Variants in ADAMTS8 observed in about 807,000 individuals in gnomAD.
ADAMTS8 encodes A disintegrin and metalloproteinase with thrombospondin motifs 8.
ADAMTS8 carries 50 observed loss-of-function variants against 64.4 expected under a neutral mutation model. The ratio of observed to expected loss-of-function variants is 0.78; its 90% confidence interval spans 0.62 to 0.98. The LOEUF is 0.98. Ranked by LOEUF, ADAMTS8 falls within the 50% of genes least tolerant of loss-of-function variation. The pLI, the probability that ADAMTS8 is intolerant of heterozygous loss-of-function variation, is 0.00. For missense variants in ADAMTS8, 1,192 were observed against 1,208.2 expected (o/e 0.99, Z 0.20); for synonymous variants, 556 against 533.6 (o/e 1.04, Z -0.58).
chr11:130,405,991 C>T lies in ADAMTS8; in HGVS notation c.2237G>A (p.Gly746Asp). ...CTCTATGGCAGAGATGGCCAGGTTG[C>T]CGTTGAGCAGGTACTGCCCATCAGC... ...KTADGQYLLN[G>D]NLAISAIEQD... The change falls in exon 9 of 9, where the codon GGC (glycine) becomes GAC (aspartate). Residue 746 changes from glycine (G) to aspartate (D), a missense_variant. By Grantham distance (94) the Gly-to-Asp change is moderately conservative. Around this residue, in one of 5 missense-constraint regions of ADAMTS8, gnomAD observed 290 missense variants for 297.8 expected, o/e 0.97. Coordinates refer to ENST00000257359, the MANE Select transcript of ADAMTS8 (RefSeq NM_007037.6). 6.2e-7 allele frequency: 1 copy of T among 1,614,192 alleles called. No homozygotes were observed. Among genetic ancestry groups the T allele is most frequent in the Non-Finnish European group, 8.5e-7 (1 of 1,180,048 alleles).
chr11:130,408,525 C>T lies in ADAMTS8; in HGVS notation c.2038G>A (p.Gly680Arg), dbSNP rs756662989. ...VDSPRKLDKC[G>R]VCGGKGNSCR... ...GAGTTGCCTTTGCCCCCACACACCC[C>T]GCATTTGTCCAGCTTCCGAGGCGAG... Residue 680 changes from glycine (G) to arginine (R), a missense_variant, in exon 8 of 9, where the codon GGG becomes AGG. By Grantham distance (125) the Gly-to-Arg change is moderately radical. This residue lies in a region of ADAMTS8 where 290 missense variants were observed against 297.8 expected (regional missense o/e 0.97). Coordinates refer to ENST00000257359, the MANE Select transcript of ADAMTS8 (RefSeq NM_007037.6). 1.5e-5 allele frequency: 25 copies of T among 1,614,000 alleles called. No individual in the cohort carries two copies. Among genetic ancestry groups the T allele is most frequent in the South Asian group, 2.2e-5 (2 of 91,076 alleles).
At chr11:130,425,133 G>T (rs530331654) in intron 1 of ADAMTS8, among the ~76,000 whole-genome samples, 1 of 152,088 alleles carries the variant, frequency 6.6e-6, no homozygotes, top group Non-Finnish European at 1.5e-5. Flanking sequence ...GAGCCACATC[G>T]CCCGGTCAGG....
chr11:130,426,724 C>T (rs186968439), intron 1 of ADAMTS8, among the ~76,000 whole-genome samples: 1 of 152,230 alleles, frequency 6.6e-6, no homozygotes, highest in Non-Finnish European at 1.5e-5. Flanking sequence ...CCCCTGGACT[C>T]TGTTTTTCTC....
rs1300050570 is a variant in ADAMTS8, at chr11:130,427,646, A to G, written c.641T>C (p.Phe214Ser). ...CTCCACGAAGCGCGCCTCAGACACA[A>G]ACCGCTTGGTCCTACTCGTGGCCCC... The part of the protein sequence containing the change: ...PLGATSRTKR[F>S]VSEARFVETL... The change falls in exon 1 of 9, where the codon TTT (phenylalanine) becomes TCT (serine). Residue 214 changes from phenylalanine to serine, a missense_variant. Physicochemically the swap from Phe to Ser is radical, Grantham distance 155 (BLOSUM62 -2). This residue lies in a region of ADAMTS8 where 741 missense variants were observed against 710.6 expected (regional missense o/e 1.04). Coordinates refer to ENST00000257359, the MANE Select transcript of ADAMTS8 (RefSeq NM_007037.6). 2 of 1,586,124 alleles carry G rather than the reference A, an allele frequency of 1.3e-6. No homozygotes were observed. Among genetic ancestry groups the G allele is most frequent in the Admixed American group, 3.5e-5 (2 of 57,366 alleles).
chr11:130,418,627 GA>G (rs1862058112), intron 2 of ADAMTS8, among the ~76,000 whole-genome samples: 1 of 152,248 alleles, frequency 6.6e-6, no homozygotes, highest in African/African-American at 2.4e-5. Flanking sequence ...TTGCTTTCAG[GA>G]AGCTGTCTGT....
intron 4 of ADAMTS8, among the ~76,000 whole-genome samples, 196 bp downstream of exon 4, chr11:130,415,967 G>GC (rs2134682387): frequency 6.6e-6 from 1 of 152,320 alleles, no homozygotes; most frequent in East Asian, 1.9e-4. Context: ...ATCTAAATTA[G>GC]CGCAGAACTC....
chr11:130,409,082 G>A (rs1861921909), intron 6 of ADAMTS8, 142 bp from the exon 7 acceptor site: 2 of 900,730 alleles, frequency 2.2e-6, no homozygotes, highest in Non-Finnish European at 3.2e-6. Flanking sequence ...GTGTCTTCTG[G>A]GCACAACATT....
At chr11:130,415,998 A>G (rs901984990) in intron 4 of ADAMTS8, among the ~76,000 whole-genome samples, 165 bp downstream of exon 4, 1 of 152,208 alleles carries the variant, frequency 6.6e-6, no homozygotes, top group Non-Finnish European at 1.5e-5. Flanking sequence ...AGATGGGGCC[A>G]GAAGAGCAGA....
rs748075301 is a variant in ADAMTS8 at position 130,405,554 on chromosome 11, T to C, written c.*4A>G. The C allele has an allele frequency of 3.8e-6, 6 of 1,590,884 alleles. No homozygotes were observed. Among genetic ancestry groups the C allele is most frequent in the South Asian group, 1.1e-5 (1 of 87,868 alleles). ...AGCACAAGACTGGCCCCTGCCCCCC[T>C]GAATCACAGGGGGCACAGCTGGCTT... On this transcript the variant is annotated 3_prime_UTR_variant, in exon 9 of 9. Transcript: ENST00000257359.
At position 130,405,609 on chromosome 11, in the gene ADAMTS8, A is replaced by C. The variant is rs758690876; in HGVS notation, c.2619T>G (p.Ala873=). 7 of 1,611,630 alleles carry C rather than the reference A, an allele frequency of 4.3e-6. No homozygotes were observed. The highest frequency in any genetic ancestry group is 5.1e-6 in the Non-Finnish European group (6 of 1,178,264). ...AGGGCTTGGCATCCTCGGGTTTCAG[A>C]GCCTTGTTGCAGGTGGCAGAGGCCT... The part of the protein sequence containing the change: ...SGQASATCNK[A]LKPEDAKPCE... Residue 873 remains alanine, a synonymous_variant, in exon 9 of 9, where the codon GCT becomes GCG. Transcript: ENST00000257359.
In ADAMTS8 at chr11:130,420,754, C is replaced by T. The variant is rs537621372; in HGVS notation, c.721-1462G>A. Reference sequence around the variant, plus strand: ...AGGTTACTTGGCGTGTCAAGCACTCCAGCAATGTTTAGGCTGATGTAAACA... The same window carrying T: ...AGGTTACTTGGCGTGTCAAGCACTCTAGCAATGTTTAGGCTGATGTAAACA... On this transcript the variant is annotated intron_variant, in intron 1 of 8. Coordinates refer to ENST00000257359, the MANE Select transcript of ADAMTS8 (RefSeq NM_007037.6). Among the ~76,000 whole-genome samples, 3 of 152,268 alleles carry T rather than the reference C, an allele frequency of 2.0e-5. No individual in the cohort carries two copies. The East Asian group carries it at 5.8e-4, about 29-fold the overall frequency.
chr11:130,416,280 A>T lies in ADAMTS8; in HGVS notation c.1147T>A (p.Phe383Ile), dbSNP rs753570504. Residue 383 changes from phenylalanine to isoleucine, a missense_variant, in exon 4 of 9, where the codon TTC (phenylalanine) becomes ATC (isoleucine). Coordinates refer to ENST00000257359, the MANE Select transcript of ADAMTS8 (RefSeq NM_007037.6). The surrounding 1 kb of genome is among the most constrained non-coding windows in gnomAD (Gnocchi z 4.8). The stretch of plus-strand genomic sequence containing the variant: ...ACGTGGTGCTTGCCCATGGGCCCGA[A>T]GAGCCGTGTGCAGGGCTTGGAGTCG... The part of the protein sequence containing the change: ...HDDSKPCTRL[F>I]GPMGKHHVMA... The T allele has an allele frequency of 1.4e-5, 22 of 1,577,862 alleles. No homozygotes were observed. In the African/African-American group the frequency reaches 2.8e-4, roughly 20 times the overall value.
At chr11:130,426,594 C>T (rs549877661) in intron 1 of ADAMTS8, among the ~76,000 whole-genome samples, 1 of 152,316 alleles carries the variant, frequency 6.6e-6, no homozygotes, top group East Asian at 1.9e-4. Flanking sequence ...TCTTTTCCTC[C>T]TGGAAAAGCC....
chr11:130,422,034 A>C (rs953151225), intron 1 of ADAMTS8, among the ~76,000 whole-genome samples: 1 of 152,196 alleles, frequency 6.6e-6, no homozygotes, highest in South Asian at 2.1e-4. Context: ...GGGTGGTCAA[A>C]CAACCTGCTC....
At position 130,405,951 on chromosome 11, in the gene ADAMTS8, C is replaced by G; in HGVS notation, c.2277G>C (p.Val759=). ...AISAIEQDIL[V]KGTILKYSGS... is the part of the protein sequence containing the mutation. The stretch of plus-strand genomic sequence containing the variant: ...CGCTGTACTTCAGGATGGTCCCCTT[C>G]ACCAAGATGTCCTGCTCTATGGCAG... Residue 759 remains valine, a synonymous_variant, in exon 9 of 9, where the codon GTG becomes GTC. Transcript: ENST00000257359. The G allele has an allele frequency of 6.2e-7, 1 of 1,614,224 alleles. No individual in the cohort carries two copies. Among genetic ancestry groups the G allele is most frequent in the Non-Finnish European group, 8.5e-7 (1 of 1,180,032 alleles).
At position 130,428,147 on chromosome 11, in the gene ADAMTS8, G is replaced by C; in HGVS notation, c.140C>G (p.Pro47Arg). Reference sequence around the variant, plus strand: ...GAGCGCGAGCTCGCCCGCGCTGCCGGGCAACCGCGTGGGCACCACCAGCTC... The same window carrying C: ...GAGCGCGAGCTCGCCCGCGCTGCCGCGCAACCGCGTGGGCACCACCAGCTC... The part of the protein sequence containing the change: ...ASELVVPTRL[P>R]GSAGELALHL... Residue 47 changes from proline (P) to arginine (R), a missense_variant, in exon 1 of 9, where the codon CCC (proline) becomes CGC (arginine). Coordinates refer to ENST00000257359, the MANE Select transcript of ADAMTS8 (RefSeq NM_007037.6). The C allele has an allele frequency of 6.7e-7, 1 of 1,485,136 alleles. No homozygotes were observed. 92.0% of individuals were successfully genotyped at this position (1,485,136 alleles called of 1,614,324 possible).
At chr11:130,406,233 AAAAC>A in intron 8 of ADAMTS8, 105 bp from the exon 9 acceptor site, 1 of 1,374,052 alleles carries the variant, frequency 7.3e-7, no homozygotes, top group Non-Finnish European at 9.7e-7. Context: ...AGACACGAAA[AAAAC>A]AAAGCAAGTA....
At position 130,428,310 on chromosome 11, in the gene ADAMTS8, G is replaced by C. The variant is rs766780859; in HGVS notation, c.-24C>G. The C allele has an allele frequency of 1.4e-5, 17 of 1,251,044 alleles. No homozygotes were observed. Among genetic ancestry groups the C allele is most frequent in the Non-Finnish European group, 1.0e-6 (1 of 991,232 alleles). The allele number at this position is 1,251,044 out of a possible 1,614,324, so 77.5% of individuals were successfully genotyped here. On this transcript the variant is annotated 5_prime_UTR_variant, in exon 1 of 9. Transcript: ENST00000257359. ...ATGGGGGCTGCGGCGGTGGCTGCGC[G>C]CAGGAGAGGGAAGAAGCCCGCCAGG...
intron 1 of ADAMTS8, among the ~76,000 whole-genome samples, chr11:130,424,163 GCCACAGAC>G (rs1431484172): frequency 6.6e-6 from 1 of 152,192 alleles, no homozygotes; most frequent in African/African-American, 2.4e-5. Flanking sequence ...GGTCGACAGA[GCCACAGAC>G]CCTAGTCCTG....
Sources: allele counts gnomAD v4.1 joint callset (sites outside exome capture counted in the v4.1 genomes callset), GRCh38; gene constraint gnomAD v4.1.1; regional missense constraint gnomAD v4.1.1; non-coding constraint Gnocchi (gnomAD v3.1); transcripts MANE v1.5; gene names NCBI Gene and HGNC (gene_info 2026-07-23, HGNC 2026-07-21).